Variants in C13orf42 observed in about 807,000 individuals in gnomAD.
C13orf42 encodes chromosome 13 open reading frame 42, also known as uncharacterized protein C13orf42.
intron 1 of C13orf42, among the ~76,000 whole-genome samples, chr13:51,133,582 G>A (rs1953635475): frequency 6.6e-6 from 1 of 151,802 alleles, no homozygotes; most frequent in African/African-American, 2.4e-5. Flanking sequence ...AATTAAAGTT[G>A]GCAATTTCAG....
At chr13:51,093,501 C>A (rs1033671653) in intron 1 of C13orf42, among the ~76,000 whole-genome samples, 1 of 152,056 alleles carries the variant, frequency 6.6e-6, no homozygotes, top group African/African-American at 2.4e-5. Flanking sequence ...ATTTAAATAG[C>A]CATATGTGAC....
At chr13:51,114,493 G>A (rs1033441627), upstream of C13orf42, among the ~76,000 whole-genome samples, 13 of 151,888 alleles carry the variant, frequency 8.6e-5, no homozygotes, top group East Asian at 1.9e-4. Context: ...TAGTGAGATC[G>A]TACAGAATTT....
intron 1 of C13orf42, among the ~76,000 whole-genome samples, chr13:51,129,763 G>C (rs888555228): frequency 6.6e-6 from 1 of 152,132 alleles, no homozygotes; most frequent in Non-Finnish European, 1.5e-5. Context: ...GTGTCTTTCT[G>C]TATTGTTCTG....
intron 1 of C13orf42, among the ~76,000 whole-genome samples, chr13:51,163,680 T>C (rs1047285881): frequency 6.6e-6 from 1 of 152,136 alleles, no homozygotes; most frequent in African/African-American, 2.4e-5. Context: ...ATGTCCTTCA[T>C]AGATAAGGAG....
intron 1 of C13orf42, among the ~76,000 whole-genome samples, chr13:51,154,538 T>C (rs746471583): frequency 1.6e-4 from 25 of 152,210 alleles, no homozygotes; most frequent in Non-Finnish European, 3.1e-4. Context: ...TTTCCATGTT[T>C]GACCTGATAG....
At chr13:51,145,030 T>G (rs1953724365) in intron 1 of C13orf42, among the ~76,000 whole-genome samples, 1 of 152,214 alleles carries the variant, frequency 6.6e-6, no homozygotes, top group African/African-American at 2.4e-5. Context: ...GTTGCTAGAT[T>G]CTAGTCTTGC....
intron 1 of C13orf42, among the ~76,000 whole-genome samples, chr13:51,165,835 C>A (rs1953898395): frequency 6.6e-6 from 1 of 152,148 alleles, no homozygotes; most frequent in Non-Finnish European, 1.5e-5. Context: ...ATCATATTTT[C>A]TGGAAAATGA....
intron 1 of C13orf42, among the ~76,000 whole-genome samples, chr13:51,139,063 T>A (rs927654102): frequency 2.0e-5 from 3 of 152,122 alleles, no homozygotes; most frequent in Non-Finnish European, 4.4e-5. Context: ...ACACCTGTAA[T>A]CCTGACACTT....
At chr13:51,170,566 A>C (rs1953940469) in intron 1 of C13orf42, among the ~76,000 whole-genome samples, 1 of 151,880 alleles carries the variant, frequency 6.6e-6, no homozygotes, top group Non-Finnish European at 1.5e-5. Flanking sequence ...CCTTCTCTTA[A>C]TTTCAATTCC....
At chr13:51,162,919 C>A (rs1953877302) in intron 1 of C13orf42, among the ~76,000 whole-genome samples, 1 of 152,214 alleles carries the variant, frequency 6.6e-6, no homozygotes, top group African/African-American at 2.4e-5. Flanking sequence ...AACCCTGCTC[C>A]ACTGCAGCTG....
chr13:51,108,313 G>C (rs1053153993), intron 1 of C13orf42, among the ~76,000 whole-genome samples: 1 of 152,208 alleles, frequency 6.6e-6, no homozygotes, highest in African/African-American at 2.4e-5. Flanking sequence ...TCAACTCATA[G>C]TAGGTAGTCA....
At chr13:51,166,263 T>C (rs1025298356) in intron 1 of C13orf42, among the ~76,000 whole-genome samples, 19 of 151,818 alleles carry the variant, frequency 1.3e-4, no homozygotes, top group Non-Finnish European at 2.4e-4. Flanking sequence ...TATGCAGCCA[T>C]AAAAAATGAT....
chr13:51,088,439 C>A (rs564248513), intron 1 of C13orf42, among the ~76,000 whole-genome samples: 1 of 152,192 alleles, frequency 6.6e-6, no homozygotes, highest in East Asian at 1.9e-4. Context: ...TGGTGAGACG[C>A]TCACCACAGG....
intron 1 of C13orf42, among the ~76,000 whole-genome samples, chr13:51,123,023 T>C (rs926562491): frequency 3.9e-5 from 6 of 152,186 alleles, no homozygotes; most frequent in Non-Finnish European, 8.8e-5. Flanking sequence ...TTTTGCCCAC[T>C]GCTGTATCTC....
chr13:51,101,093 T>C (rs947397966), intron 1 of C13orf42, among the ~76,000 whole-genome samples: 5 of 152,230 alleles, frequency 3.3e-5, no homozygotes, highest in African/African-American at 1.2e-4. Context: ...AGCATGGCAG[T>C]TGAAGACTAA....
At chr13:51,089,502 A>G (rs1178865668) in intron 1 of C13orf42, among the ~76,000 whole-genome samples, 51 of 151,986 alleles carry the variant, frequency 3.4e-4, no homozygotes, top group Non-Finnish European at 1.5e-5. Context: ...CTGATGGTTT[A>G]AAAGTGTGGC....
Position 51,085,515 on chromosome 13 carries a change from G to T in C13orf42, c.607C>A (p.Leu203Met). The change falls in exon 3 of 4, where the codon CTG becomes ATG. Residue 203 changes from leucine to methionine, a missense_variant. Leu to Met is a conservative substitution (Grantham distance 15). Coordinates refer to ENST00000563710, the MANE Select transcript of C13orf42 (RefSeq NM_001351589.3). Reference sequence around the variant, plus strand: ...TCGGAGTGTCTGCGCGGTGCCCGCAGGATCCAGTTAGAATGCAAGCTGTGC... The same window carrying T: ...TCGGAGTGTCTGCGCGGTGCCCGCATGATCCAGTTAGAATGCAAGCTGTGC... ...REHSLHSNWI[L>M]RAPRRHSEDI... is the part of the protein sequence containing the mutation. 1 of 398,658 alleles carries T rather than the reference G, an allele frequency of 2.5e-6. No individual in the cohort carries two copies. Among genetic ancestry groups the T allele is most frequent in the South Asian group, 1.3e-4 (1 of 7,858 alleles). 24.7% of individuals were successfully genotyped at this position (398,658 alleles called of 1,614,324 possible).
upstream of C13orf42, among the ~76,000 whole-genome samples, chr13:51,112,605 T>C (rs556852575): frequency 1.3e-5 from 2 of 152,358 alleles, no homozygotes; most frequent in Admixed American, 6.5e-5. Flanking sequence ...AGCTTCACAG[T>C]TGTAGCATGC....
At chr13:51,109,664 G>T (rs981005141) in intron 1 of C13orf42, among the ~76,000 whole-genome samples, 3 of 152,124 alleles carry the variant, frequency 2.0e-5, no homozygotes, top group African/African-American at 7.2e-5. Context: ...TGAGGTGGCA[G>T]GATCACTTGA....
Sources: allele counts gnomAD v4.1 joint callset (sites outside exome capture counted in the v4.1 genomes callset), GRCh38; gene constraint gnomAD v4.1.1; transcripts MANE v1.5; gene names NCBI Gene and HGNC (gene_info 2026-07-23, HGNC 2026-07-21).